The following RPTOR variants were observed in gnomAD, a reference collection of about 807,000 sequenced individuals.
RPTOR encodes the protein regulatory associated protein of MTOR complex 1, also known as regulatory-associated protein of mTOR.
RPTOR carries 21 observed loss-of-function variants against 169.9 expected under a neutral mutation model. The ratio of observed to expected loss-of-function variants is 0.12; its 90% CI spans 0.09 to 0.18. The LOEUF (loss-of-function observed/expected upper bound fraction) is 0.18. RPTOR is among the 10% of genes least tolerant of loss of function. RPTOR has a pLI of 1.00. For synonymous variants in RPTOR, 732 were observed against 753.2 expected (o/e 0.97, Z 0.46); for missense variants, 1,133 against 1,855.9 (o/e 0.61, Z 7.16).
chr17:80,848,368 A>G (rs1199592337), intron 11 of RPTOR, among the ~76,000 whole-genome samples: 1 of 152,244 alleles, frequency 6.6e-6, no homozygotes, highest in Admixed American at 6.5e-5. Flanking sequence ...TGGACATTGC[A>G]AAAAGAATGC....
At chr17:80,600,288 G>A (rs1407331957) in intron 1 of RPTOR, among the ~76,000 whole-genome samples, 11 of 152,016 alleles carry the variant, frequency 7.2e-5, no homozygotes, top group African/African-American at 2.4e-5. Context: ...GCCACCAAGT[G>A]TTTTTAAAGA....
chr17:80,609,744 C>CAA lies in RPTOR; in HGVS notation c.163-15934_163-15933dup, dbSNP rs1221032561. Among the ~76,000 whole-genome samples, 5 of 116,528 alleles carry CAA rather than the reference C, an allele frequency of 4.3e-5. No individual in the cohort carries two copies. In the Admixed American group the frequency reaches 4.4e-4, roughly 10 times the overall value. The allele number at this position is 116,528 out of a possible 152,430, so 76.4% of individuals were successfully genotyped here. A position where few individuals can be genotyped will look rare whatever the true frequency, so the allele number is the denominator to read the frequency against. Reference sequence around the variant, plus strand: ...TGGGCGACAGAGCGAGATTCTGTCTCAAAAAAAAAAAAAAGTTTAAGGTGT... The same window carrying CAA: ...TGGGCGACAGAGCGAGATTCTGTCTCAAAAAAAAAAAAAAAAGTTTAAGGTGT... On this transcript the variant is annotated intron_variant, in intron 1 of 33. Transcript: ENST00000306801. The surrounding 1 kb of genome is among the most constrained non-coding windows in gnomAD (Gnocchi z 4.8).
At chr17:80,550,782 A>G (rs2084334664) in intron 1 of RPTOR, among the ~76,000 whole-genome samples, 1 of 152,172 alleles carries the variant, frequency 6.6e-6, no homozygotes, top group Non-Finnish European at 1.5e-5. Context: ...ATGCAGCCCC[A>G]GTCCAGGCAG....
At chr17:80,756,425 A>G (rs563648425) in intron 6 of RPTOR, among the ~76,000 whole-genome samples, 3 of 152,274 alleles carry the variant, frequency 2.0e-5, no homozygotes, top group Non-Finnish European at 4.4e-5. Flanking sequence ...ATTCCATAGT[A>G]GAGTAGGGAG....
chr17:80,709,660 G>A (rs8068064), intron 4 of RPTOR, among the ~76,000 whole-genome samples: 88,702 of 151,800 alleles, frequency 0.58, 26,366 homozygotes, highest in African/African-American at 0.68. Context: ...TGTAAACCGC[G>A]TGAGTGTTTC....
intron 28 of RPTOR, among the ~76,000 whole-genome samples, chr17:80,954,710 A>G (rs1166899324): frequency 6.6e-6 from 1 of 152,260 alleles, no homozygotes; most frequent in East Asian, 1.9e-4. Context: ...TGAGGTCAAT[A>G]GTTCAAGACC....
chr17:80,808,346 G>A (rs967233073), intron 7 of RPTOR, among the ~76,000 whole-genome samples: 3 of 152,076 alleles, frequency 2.0e-5, no homozygotes, highest in East Asian at 1.9e-4. Flanking sequence ...GATCACTTGA[G>A]TCCCAGTGGT....
intron 4 of RPTOR, among the ~76,000 whole-genome samples, chr17:80,723,409 CTT>C (rs2066303653): frequency 6.6e-6 from 1 of 151,148 alleles, no homozygotes; most frequent in Admixed American, 6.6e-5. Flanking sequence ...TGTTGCTTCT[CTT>C]GTTGTTTATT....
chr17:80,589,667 A>G (rs1415747178), intron 1 of RPTOR, among the ~76,000 whole-genome samples: 3 of 152,218 alleles, frequency 2.0e-5, no homozygotes, highest in Non-Finnish European at 4.4e-5. Flanking sequence ...CCAGAATTTT[A>G]AAATGCTATT....
At chr17:80,712,793 C>G (rs1479778066) in intron 4 of RPTOR, among the ~76,000 whole-genome samples, 1 of 152,154 alleles carries the variant, frequency 6.6e-6, no homozygotes, top group Non-Finnish European at 1.5e-5. Context: ...CAGCACTGAA[C>G]GAGAGTATCT....
chr17:80,821,562 A>G (rs956005785), intron 7 of RPTOR, among the ~76,000 whole-genome samples: 1 of 152,130 alleles, frequency 6.6e-6, no homozygotes, highest in Non-Finnish European at 1.5e-5. Context: ...GCGAAATGGC[A>G]GCAGCCTCAT....
chr17:80,962,538 C>T lies in RPTOR; in HGVS notation c.3770C>T (p.Thr1257Met), dbSNP rs1212387005. The change falls in exon 32 of 34, where the codon ACG (threonine) becomes ATG (methionine). Residue 1257 changes from threonine to methionine, a missense_variant. Thr to Met is a moderately conservative substitution (Grantham distance 81, BLOSUM62 -1). Coordinates refer to ENST00000306801, the MANE Select transcript of RPTOR (RefSeq NM_020761.3). ...GTGCTTCAGATCGTGAAGGGGCTGA[C>T]GGCCCTGGACATCCACCCCCAGGCG... ...VNVLQIVKGL[T>M]ALDIHPQADL... is the part of the protein sequence containing the mutation. The T allele has an allele frequency of 6.2e-6, 10 of 1,613,696 alleles. No individual in the cohort carries two copies. The highest frequency in any genetic ancestry group is 1.1e-5 in the South Asian group (1 of 91,086).
chr17:80,885,870 T>C (rs2068240180), intron 17 of RPTOR, among the ~76,000 whole-genome samples: 2 of 152,236 alleles, frequency 1.3e-5, no homozygotes, highest in African/African-American at 2.4e-5. Context: ...GAAAACTTAC[T>C]TACCTGTTTA....
intron 4 of RPTOR, among the ~76,000 whole-genome samples, chr17:80,709,389 C>G (rs1286142345): frequency 2.6e-5 from 4 of 152,220 alleles, no homozygotes; most frequent in Non-Finnish European, 5.9e-5. Context: ...TTCCCTGGCT[C>G]TCCTCTGTGG....
intron 22 of RPTOR, 92 bp downstream of exon 22, chr17:80,922,919 C>T: frequency 1.9e-6 from 2 of 1,057,606 alleles, no homozygotes; most frequent in Non-Finnish European, 1.4e-6. Context: ...CATCCTCCTC[C>T]TTCCCCGCCC....
chr17:80,796,538 C>T (rs899514311), intron 7 of RPTOR, among the ~76,000 whole-genome samples: 2 of 152,198 alleles, frequency 1.3e-5, no homozygotes, highest in African/African-American at 4.8e-5. Flanking sequence ...TGAGAACTCA[C>T]TATCACGAGA....
intron 25 of RPTOR, among the ~76,000 whole-genome samples, chr17:80,944,196 C>G (rs1384209445): frequency 6.6e-6 from 1 of 152,178 alleles, no homozygotes; most frequent in Non-Finnish European, 1.5e-5. Flanking sequence ...TCTGTTAAAT[C>G]TGTGATTCTG....
At chr17:80,857,720 C>A in intron 12 of RPTOR, 70 bp from the exon 13 acceptor site, 1 of 1,058,012 alleles carries the variant, frequency 9.5e-7, no homozygotes, top group Middle Eastern at 2.3e-4. Context: ...GCTGGTCCCG[C>A]GTGGCACCCC....
intron 10 of RPTOR, among the ~76,000 whole-genome samples, chr17:80,839,408 C>A (rs527320916): frequency 6.6e-6 from 1 of 152,222 alleles, no homozygotes; most frequent in Non-Finnish European, 1.5e-5. Context: ...CCACCACTTA[C>A]TTCTACCCCA....
Sources: allele counts gnomAD v4.1 joint callset (sites outside exome capture counted in the v4.1 genomes callset), GRCh38; gene constraint gnomAD v4.1.1; non-coding constraint Gnocchi (gnomAD v3.1); transcripts MANE v1.5; gene names NCBI Gene and HGNC (gene_info 2026-07-23, HGNC 2026-07-21).